The following ADARB2 variants were observed in gnomAD, a reference collection of about 807,000 sequenced individuals.
The protein encoded by ADARB2 is inactive double-stranded RNA-specific editase B2.
In ADARB2, 25 loss-of-function variants were observed where a neutral mutation model predicts 62.2. The ratio of observed to expected loss-of-function variants is 0.40; its 90% CI spans 0.29 to 0.56. The LOEUF (loss-of-function observed/expected upper bound fraction) is 0.56. Ranked by LOEUF, ADARB2 falls within the 20% of genes least tolerant of loss-of-function variation. ADARB2 has a pLI of 0.43. For synonymous variants in ADARB2, 572 were observed against 500.8 expected (o/e 1.14, Z -1.90); for missense variants, 1,071 against 1,077.4 (o/e 0.99, Z 0.08).
chr10:1,609,942 C>T (rs1049278409), intron 1 of ADARB2, among the ~76,000 whole-genome samples: 8 of 152,190 alleles, frequency 5.3e-5, no homozygotes, highest in African/African-American at 9.7e-5. Context: ...TGCAGCAGGC[C>T]GACTTCAGAT....
At chr10:1,243,412 A>T (rs1830946567) in intron 4 of ADARB2, among the ~76,000 whole-genome samples, 1 of 152,154 alleles carries the variant, frequency 6.6e-6, no homozygotes, top group Non-Finnish European at 1.5e-5. Context: ...AATAAAATCG[A>T]CTAATTAATG....
At chr10:1,715,012 C>A (rs1290964580) in intron 1 of ADARB2, among the ~76,000 whole-genome samples, 33 of 137,590 alleles carry the variant, frequency 2.4e-4, no homozygotes, top group African/African-American at 7.3e-4. Context: ...CTCCCCCCAC[C>A]CCACAACAGT....
In ADARB2 at chr10:1,242,593, C is replaced by T. The variant is rs115049671; in HGVS notation, c.1193-294G>A. 4.4e-3 allele frequency among the ~76,000 whole-genome samples: 673 copies of T among 152,320 alleles called. 6 individuals are homozygous for T. Among genetic ancestry groups the T allele is most frequent in the African/African-American group, 0.016 (655 of 41,564 alleles). The stretch of plus-strand genomic sequence containing the variant: ...CACCATAGGAGCAGAGTTTTGAGGT[C>T]AAACTTACTACCAGGACAGTTTTCT... On this transcript the variant is annotated intron_variant, in intron 4 of 9. Coordinates refer to ENST00000381312, the MANE Select transcript of ADARB2 (RefSeq NM_018702.4).
chr10:1,620,252 A>G (rs1833690531), intron 1 of ADARB2, among the ~76,000 whole-genome samples: 1 of 152,184 alleles, frequency 6.6e-6, no homozygotes, highest in Non-Finnish European at 1.5e-5. Flanking sequence ...CCGACCAGTA[A>G]TAAAAGACAG....
intron 9 of ADARB2, 53 bp from the exon 10 acceptor site, chr10:1,183,422 C>A: frequency 1.3e-6 from 2 of 1,587,650 alleles, no homozygotes; most frequent in Non-Finnish European, 1.7e-6. Context: ...AAAGGAGCTT[C>A]TGCTAGGTGA....
intron 1 of ADARB2, among the ~76,000 whole-genome samples, chr10:1,585,756 T>C (rs1209703667): frequency 1.3e-5 from 2 of 152,184 alleles, no homozygotes; most frequent in Non-Finnish European, 2.9e-5. Flanking sequence ...AAACTGTGTC[T>C]GGGTGCGGTG....
chr10:1,649,533 C>T (rs1453781661), intron 1 of ADARB2, among the ~76,000 whole-genome samples: 1 of 152,226 alleles, frequency 6.6e-6, no homozygotes, highest in Non-Finnish European at 1.5e-5. Context: ...GTTTTAACAG[C>T]TAGCTTCTTT....
chr10:1,631,140 A>T, intron 1 of ADARB2, among the ~76,000 whole-genome samples: 1 of 152,072 alleles, frequency 6.6e-6, no homozygotes, highest in Non-Finnish European at 1.5e-5. Flanking sequence ...GAACAAGAAA[A>T]AAGGGTGTGC....
chr10:1,458,375 G>GT (rs1009577346), intron 1 of ADARB2, among the ~76,000 whole-genome samples: 2 of 18,284 alleles, frequency 1.1e-4, no homozygotes, highest in African/African-American at 2.4e-4. Flanking sequence ...GGGTCTCACA[G>GT]CTTCTCTTTC....
chr10:1,576,352 C>T (rs1833021345), intron 1 of ADARB2, among the ~76,000 whole-genome samples: 1 of 146,144 alleles, frequency 6.8e-6, no homozygotes, highest in East Asian at 2.1e-4. Context: ...GTCTCAGGGT[C>T]ACAGGAAGTG....
intron 1 of ADARB2, among the ~76,000 whole-genome samples, chr10:1,700,292 T>A (rs1480451060): frequency 0.015 from 118 of 7,628 alleles, 10 homozygotes; most frequent in African/African-American, 0.046. Context: ...CAGGCGCTAG[T>A]CAATACACGC....
intron 1 of ADARB2, among the ~76,000 whole-genome samples, chr10:1,396,003 A>T (rs185113612): frequency 8.6e-4 from 131 of 152,290 alleles, no homozygotes; most frequent in Non-Finnish European, 1.5e-3. Context: ...GTCTGCTCTG[A>T]GTCCATGTTT....
intron 8 of ADARB2, among the ~76,000 whole-genome samples, chr10:1,187,258 G>A (rs1440970098): frequency 5.3e-5 from 8 of 152,244 alleles, no homozygotes; most frequent in Admixed American, 2.6e-4. Context: ...CTGGGCAGGA[G>A]GAGCCAGCCA....
chr10:1,276,926 C>G (rs1022171518), intron 3 of ADARB2, among the ~76,000 whole-genome samples: 8 of 152,216 alleles, frequency 5.3e-5, no homozygotes, highest in Admixed American at 4.6e-4. Context: ...ACAGTGCAAT[C>G]AAACTGGAAC....
At chr10:1,306,039 G>C (rs921037390) in intron 3 of ADARB2, among the ~76,000 whole-genome samples, 1 of 152,168 alleles carries the variant, frequency 6.6e-6, no homozygotes, top group African/African-American at 2.4e-5. Context: ...ATTCAACATA[G>C]TGTTGGAAGT....
At chr10:1,320,049 C>T (rs1421135154) in intron 3 of ADARB2, among the ~76,000 whole-genome samples, 1 of 152,220 alleles carries the variant, frequency 6.6e-6, no homozygotes, top group African/African-American at 2.4e-5. Flanking sequence ...GACCAGGCCT[C>T]AGCTCACCTC....
chr10:1,279,497 G>T (rs920637871), intron 3 of ADARB2, among the ~76,000 whole-genome samples: 1 of 152,122 alleles, frequency 6.6e-6, no homozygotes, highest in African/African-American at 2.4e-5. Flanking sequence ...TCAGTATTTT[G>T]TAGAGGCAGG....
intron 7 of ADARB2, among the ~76,000 whole-genome samples, chr10:1,210,634 C>T (rs1313467539): frequency 5.3e-5 from 8 of 152,340 alleles, no homozygotes; most frequent in Non-Finnish European, 1.0e-4. Context: ...TCATCAATCA[C>T]GTCGCAGCGA....
At chr10:1,666,291 C>G (rs1392099166) in intron 1 of ADARB2, among the ~76,000 whole-genome samples, 1 of 152,248 alleles carries the variant, frequency 6.6e-6, no homozygotes, top group Non-Finnish European at 1.5e-5. Flanking sequence ...TGAGGGCCAC[C>G]TGCCCTGCCT....
Sources: allele counts gnomAD v4.1 joint callset (sites outside exome capture counted in the v4.1 genomes callset), GRCh38; gene constraint gnomAD v4.1.1; transcripts MANE v1.5; gene names NCBI Gene and HGNC (gene_info 2026-07-23, HGNC 2026-07-21).